Variants in BUD13 observed in about 807,000 individuals in gnomAD.
The protein encoded by BUD13 is BUD13 spliceosome associated protein.
BUD13 carries 47 observed loss-of-function variants against 62.5 expected under a neutral mutation model. The ratio of observed to expected loss-of-function variants is 0.75; its 90% CI spans 0.60 to 0.96. BUD13 has a LOEUF of 0.96. Among genes scored for constraint, BUD13 ranks in the 40% least tolerant of loss-of-function variants. The probability of loss-of-function intolerance (pLI) is 0.00; values close to 1 mark genes in which losing one functional copy is unlikely to be tolerated. For synonymous variants in BUD13, 293 were observed against 280.1 expected (o/e 1.05, Z -0.46); for missense variants, 821 against 790.9 (o/e 1.04, Z -0.46).
chr11:116,760,558 GA>G, intron 5 of BUD13, 176 bp downstream of exon 5: 1 of 613,272 alleles, frequency 1.6e-6, no homozygotes, highest in Non-Finnish European at 2.8e-6. Context: ...GTCCATCTGG[GA>G]TGGGTTATAG....
intron 1 of BUD13, among the ~76,000 whole-genome samples, chr11:116,771,264 T>A (rs182404534): frequency 6.6e-6 from 1 of 152,380 alleles, no homozygotes; most frequent in East Asian, 1.9e-4. Flanking sequence ...CGATTAGTTG[T>A]GTAATTAGTT....
rs769643834 is a variant in BUD13, at chr11:116,772,987, C to T, written c.-23G>A. The T allele has an allele frequency of 5.3e-6, 8 of 1,518,444 alleles. No homozygotes were observed. The highest frequency in any genetic ancestry group is 1.7e-4 in the Middle Eastern group (1 of 5,816). The allele number at this position is 1,518,444 out of a possible 1,614,324, so 94.1% of individuals were successfully genotyped here. On this transcript the variant is annotated 5_prime_UTR_variant, in exon 1 of 10. Transcript: ENST00000260210. ...CATGGCAGCGGCGGGGGCAGAGAGA[C>T]GGGTCGGCGCTGGGGACAAAATGCC...
At chr11:116,752,223 G>C (rs1260300757) in intron 9 of BUD13, among the ~76,000 whole-genome samples, 2 of 152,130 alleles carry the variant, frequency 1.3e-5, no homozygotes, top group Non-Finnish European at 2.9e-5. Flanking sequence ...TGAGATTATA[G>C]GCATGAGCCA....
chr11:116,757,684 C>T, intron 8 of BUD13, 82 bp downstream of exon 8: 1 of 1,355,688 alleles, frequency 7.4e-7, no homozygotes, highest in South Asian at 1.4e-5. Context: ...GGAAATCCTT[C>T]TTTGCATATA....
Position 116,758,055 on chromosome 11 carries a change from C to T in BUD13, c.1500-105G>A, listed in dbSNP as rs1000197221. The stretch of plus-strand genomic sequence containing the variant: ...TTTGGACAATCTCCTCTTTCTAGTA[C>T]CCTAGGGCAAATACTGAGCAGGGTA... On this transcript the variant is annotated intron_variant, in intron 7 of 9. Coordinates refer to ENST00000260210, the MANE Select transcript of BUD13 (RefSeq NM_032725.4). 6.8e-6 allele frequency: 10 copies of T among 1,473,144 alleles called. No individual in the cohort carries two copies. In the Admixed American group the frequency reaches 8.2e-5, roughly 12 times the overall value. The allele number at this position is 1,473,144 out of a possible 1,614,324, so 91.3% of individuals were successfully genotyped here.
At chr11:116,753,268 T>A (rs1285519958) in intron 9 of BUD13, among the ~76,000 whole-genome samples, 1 of 151,882 alleles carries the variant, frequency 6.6e-6, no homozygotes, top group Admixed American at 6.6e-5. Context: ...AGGGGGGAAA[T>A]CTTGGAAGAG....
chr11:116,761,838 G>A (rs545328254), intron 4 of BUD13, among the ~76,000 whole-genome samples: 1 of 152,156 alleles, frequency 6.6e-6, no homozygotes, highest in Non-Finnish European at 1.5e-5. Context: ...AATATGTATC[G>A]ACAGTCTTTA....
At chr11:116,766,060 T>C (rs557887841) in intron 2 of BUD13, among the ~76,000 whole-genome samples, 10 of 152,368 alleles carry the variant, frequency 6.6e-5, no homozygotes, top group Admixed American at 4.6e-4. Flanking sequence ...GAACTCATTA[T>C]CTTACAACAC....
Position 116,760,927 on chromosome 11 carries a change from T to C in BUD13, c.1062A>G (p.Ser354=). 5 of 1,614,138 alleles carry C rather than the reference T, an allele frequency of 3.1e-6. No homozygotes were observed. Among genetic ancestry groups the C allele is most frequent in the Non-Finnish European group, 3.4e-6 (4 of 1,180,000 alleles). The change falls in exon 5 of 10, where the codon TCA becomes TCG. Residue 354 remains serine (S), a synonymous_variant. Transcript: ENST00000260210. ...SKGDCQKATD[S]DLSSPRHKQS... is the part of the protein sequence containing the mutation. ...GTTTATGCCGTGGAGAAGAAAGGTC[T>C]GAATCAGTTGCTTTCTGGCAGTCAC...
intron 6 of BUD13, among the ~76,000 whole-genome samples, 176 bp from the exon 7 acceptor site, chr11:116,758,583 C>CTTTTTTT (rs397687372): frequency 7.7e-5 from 9 of 116,628 alleles, no homozygotes; most frequent in African/African-American, 9.5e-5. Flanking sequence ...TGGCATTTTC[C>CTTTTTTT]TTTTTTTTTT....
chr11:116,766,435 A>G (rs1424640943), intron 2 of BUD13, among the ~76,000 whole-genome samples: 4 of 152,230 alleles, frequency 2.6e-5, no homozygotes, highest in African/African-American at 9.6e-5. Flanking sequence ...TACTTCTCCC[A>G]AAATCCTACC....
intron 2 of BUD13, among the ~76,000 whole-genome samples, chr11:116,767,074 G>A (rs1028960799): frequency 1.3e-5 from 2 of 151,940 alleles, no homozygotes; most frequent in Non-Finnish European, 2.9e-5. Flanking sequence ...TGTAATCCCA[G>A]CTATTTGGGA....
chr11:116,758,555 G>A (rs1300429116), intron 6 of BUD13, 148 bp from the exon 7 acceptor site: 8 of 731,268 alleles, frequency 1.1e-5, no homozygotes, highest in African/African-American at 1.8e-5. Context: ...GGTGCATATT[G>A]GCACTGGGCC....
chr11:116,758,481 T>G, intron 6 of BUD13, 74 bp from the exon 7 acceptor site: 2 of 1,523,600 alleles, frequency 1.3e-6, no homozygotes, highest in Non-Finnish European at 1.8e-6. Flanking sequence ...AATCAACCGC[T>G]TGGGATTCTA....
At chr11:116,755,515 T>C (rs1940306954) in intron 9 of BUD13, among the ~76,000 whole-genome samples, 3 of 152,238 alleles carry the variant, frequency 2.0e-5, no homozygotes, top group Non-Finnish European at 4.4e-5. Context: ...AGGTTCCACA[T>C]AGCTCACCTT....
At chr11:116,756,378 A>G (rs1940325950) in intron 9 of BUD13, among the ~76,000 whole-genome samples, 1 of 151,888 alleles carries the variant, frequency 6.6e-6, no homozygotes, top group African/African-American at 2.4e-5. Flanking sequence ...TGGGTGTGGC[A>G]GCGGGCGCCG....
chr11:116,763,709 C>G (rs1224987401), intron 3 of BUD13, among the ~76,000 whole-genome samples: 2 of 152,156 alleles, frequency 1.3e-5, no homozygotes, highest in African/African-American at 4.8e-5. Flanking sequence ...GAGTTCCCAG[C>G]TAGTGGCTCC....
Position 116,763,230 on chromosome 11 carries a change from C to A in BUD13, c.359G>T (p.Arg120Leu), listed in dbSNP as rs150196703. The change falls in exon 4 of 10, where the codon CGT becomes CTT. Residue 120 changes from arginine to leucine, a missense_variant. Coordinates refer to ENST00000260210, the MANE Select transcript of BUD13 (RefSeq NM_032725.4). Reference protein sequence around the residue: ...NEDLPSNRHFRHDTPDSSPRR... With the variant: ...NEDLPSNRHFLHDTPDSSPRR... ...AGGAGATGAATCCGGGGTATCGTGA[C>A]GAAAATGTCTGTTTGAGGGTAGGTC... The A allele has an allele frequency of 1.9e-6, 3 of 1,549,746 alleles. No homozygotes were observed. The highest frequency in any genetic ancestry group is 2.3e-5 in the East Asian group (1 of 44,276).
intron 4 of BUD13, among the ~76,000 whole-genome samples, chr11:116,762,238 G>T (rs947224095): frequency 3.3e-5 from 5 of 152,106 alleles, no homozygotes; most frequent in Admixed American, 6.5e-5. Flanking sequence ...GATGACCCTG[G>T]CCACAACACT....
Sources: allele counts gnomAD v4.1 joint callset (sites outside exome capture counted in the v4.1 genomes callset), GRCh38; gene constraint gnomAD v4.1.1; transcripts MANE v1.5; gene names NCBI Gene and HGNC (gene_info 2026-07-23, HGNC 2026-07-21).